ADGRG4: variants seen among roughly 807,000 people sequenced by gnomAD.
The protein encoded by ADGRG4 is G protein-coupled receptor 112.
In ADGRG4, 122 loss-of-function variants were observed where a neutral mutation model predicts 126.2. The observed-to-expected ratio is 0.97, with a 90% CI of 0.83 to 1.12. The LOEUF (loss-of-function observed/expected upper bound fraction) is 1.12. Ranked by LOEUF, ADGRG4 falls within the 50% of genes most tolerant of loss-of-function variation. The pLI, the probability that ADGRG4 is intolerant of heterozygous loss-of-function variation, is 0.00. For missense variants in ADGRG4, 2,481 were observed against 2,251.8 expected (o/e 1.10, Z -2.06); for synonymous variants, 943 against 838.7 (o/e 1.12, Z -2.15).
chrX:136,412,444 G>T lies in ADGRG4; in HGVS notation c.9037+78G>T, dbSNP rs2075451434. 3 of 628,605 alleles carry T rather than the reference G, an allele frequency of 4.8e-6. 1 individual carries two copies. In the East Asian group the frequency reaches 1.0e-4, roughly 21 times the overall value. The allele number at this position is 628,605 out of a possible 1,213,427, so 51.8% of individuals were successfully genotyped here. A position where few individuals can be genotyped will look rare whatever the true frequency, so the allele number is the denominator to read the frequency against. ...ATCAGATTAATTTGTCTCCTAACTT[G>T]AGTACTTACAGCATATCAGCATCAA... On this transcript the variant is annotated intron_variant, in intron 24 of 25. Transcript: ENST00000394143.
At chrX:136,318,755 A>G (rs913840057) in intron 4 of ADGRG4, among the ~76,000 whole-genome samples, 7 of 111,883 alleles carry the variant, frequency 6.3e-5, no homozygotes, top group African/African-American at 2.3e-4. Flanking sequence ...GAAATATACC[A>G]AAATGTTAAT....
intron 8 of ADGRG4, among the ~76,000 whole-genome samples, chrX:136,355,550 A>T (rs1356975763): frequency 3.6e-5 from 4 of 111,592 alleles, no homozygotes; most frequent in African/African-American, 1.3e-4. Flanking sequence ...TATATATATA[A>T]CATGGACGGT....
chrX:136,408,435 T>A (rs1055824369), intron 23 of ADGRG4, among the ~76,000 whole-genome samples: 1 of 112,376 alleles, frequency 8.9e-6, no homozygotes, highest in African/African-American at 3.2e-5. Flanking sequence ...GTACCCCATG[T>A]TTAGCTTTCA....
chrX:136,364,522 A>G (rs1321113983), intron 13 of ADGRG4, among the ~76,000 whole-genome samples: 1 of 112,174 alleles, frequency 8.9e-6, no homozygotes, highest in Non-Finnish European at 1.9e-5. Context: ...GCCACAATTT[A>G]TTTAACCTGT....
chrX:136,317,327 C>T (rs1213976953), intron 4 of ADGRG4, among the ~76,000 whole-genome samples: 3 of 107,945 alleles, frequency 2.8e-5, no homozygotes, highest in South Asian at 4.1e-4. Flanking sequence ...GGTGAAACCC[C>T]GTCTCTACTA....
At position 136,405,818 on chromosome X, in the gene ADGRG4, C is replaced by T; in HGVS notation, c.8781C>T (p.Ile2927=). ...LVQLNSVKSQ[I]QKTRRKMILH... ...AACTGAATTCTGTGAAATCCCAAAT[C>T]CAGAAGACTCGGCGGAAGATGATCC... The change falls in exon 23 of 26, where the codon ATC becomes ATT. Residue 2927 remains isoleucine, a synonymous_variant. Transcript: ENST00000394143. 8.3e-7 allele frequency: 1 copy of T among 1,210,428 alleles called. No individual in the cohort carries two copies. Among genetic ancestry groups the T allele is most frequent in the Non-Finnish European group, 1.1e-6 (1 of 894,761 alleles).
chrX:136,383,220 T>C (rs2075273074), intron 15 of ADGRG4, among the ~76,000 whole-genome samples: 1 of 112,013 alleles, frequency 8.9e-6, no homozygotes, highest in Non-Finnish European at 1.9e-5. Flanking sequence ...CTATCCTAGT[T>C]GTTCTCTAAT....
At chrX:136,399,775 A>G (rs2075369879) in intron 20 of ADGRG4, 73 bp from the exon 21 acceptor site, 1 of 883,764 alleles carries the variant, frequency 1.1e-6, no homozygotes, top group South Asian at 2.5e-5. Flanking sequence ...TATTATGTAG[A>G]TAAGATGTGG....
intron 15 of ADGRG4, among the ~76,000 whole-genome samples, chrX:136,378,492 C>T (rs2075241274): frequency 9.0e-6 from 1 of 110,744 alleles, no homozygotes; most frequent in South Asian, 3.8e-4. Context: ...TTTTGGGGGC[C>T]TATTCTGATG....
At chrX:136,408,743 A>G (rs1291161812) in intron 23 of ADGRG4, among the ~76,000 whole-genome samples, 1 of 111,697 alleles carries the variant, frequency 9.0e-6, no homozygotes, top group African/African-American at 3.3e-5. Context: ...CAATAATGAG[A>G]TTGCTGAGTC....
At chrX:136,396,017 G>A (rs942073795) in intron 19 of ADGRG4, among the ~76,000 whole-genome samples, 1 of 111,288 alleles carries the variant, frequency 9.0e-6, no homozygotes, top group Non-Finnish European at 1.9e-5. Flanking sequence ...AGCTGTTGCT[G>A]TTTTTCTCAT....
intron 15 of ADGRG4, among the ~76,000 whole-genome samples, chrX:136,375,876 A>C (rs1431783786): frequency 8.9e-6 from 1 of 111,979 alleles, no homozygotes; most frequent in African/African-American, 3.2e-5. Flanking sequence ...GTTGTGCAGA[A>C]GCTTTTTAGT....
rs2075037711 is a variant in ADGRG4 at position 136,348,722 on chromosome X, A to G, written c.5016A>G (p.Val1672=). 2.5e-6 allele frequency: 3 copies of G among 1,207,333 alleles called. No individual in the cohort carries two copies. The African/African-American group carries it at 5.3e-5, about 21-fold the overall frequency. The stretch of plus-strand genomic sequence containing the variant: ...TGGCTGGGATAGTGACTCCATTTGT[A>G]GGCACCACTGCCTTCTCTCCACTCA... ...TIMAGIVTPF[V]GTTAFSPLSS... is the part of the protein sequence containing the mutation. Residue 1672 remains valine, a synonymous_variant, in exon 6 of 26, where the codon GTA becomes GTG. Coordinates refer to ENST00000394143, the MANE Select transcript of ADGRG4 (RefSeq NM_153834.4).
chrX:136,312,519 G>T (rs1320174616), intron 4 of ADGRG4, among the ~76,000 whole-genome samples: 2 of 111,427 alleles, frequency 1.8e-5, no homozygotes, highest in Non-Finnish European at 3.8e-5. Context: ...CCAGCTACTC[G>T]GGAGACTGAG....
intron 5 of ADGRG4, among the ~76,000 whole-genome samples, chrX:136,333,433 T>A (rs1014393106): frequency 5.2e-5 from 4 of 76,477 alleles, no homozygotes; most frequent in African/African-American, 2.1e-4. Context: ...TAATATATTC[T>A]AATTTTTTGT....
intron 3 of ADGRG4, among the ~76,000 whole-genome samples, chrX:136,307,141 A>G (rs887882830): frequency 2.7e-5 from 3 of 112,666 alleles, no homozygotes; most frequent in Non-Finnish European, 5.6e-5. Context: ...AATGGAAGAA[A>G]AATATAAATT....
At position 136,374,409 on chromosome X, in the gene ADGRG4, G is replaced by A. The variant is rs1419692860; in HGVS notation, c.7776+1345G>A. Among the ~76,000 whole-genome samples the A allele has an allele frequency of 4.5e-5, 5 of 110,829 alleles. No homozygotes were observed. In the East Asian group the frequency reaches 1.1e-3, roughly 25 times the overall value. On this transcript the variant is annotated intron_variant, in intron 15 of 25. Coordinates refer to ENST00000394143, the MANE Select transcript of ADGRG4 (RefSeq NM_153834.4). ...TAGGAATGGAATTGCTGGCTCATAG[G>A]TACATGTTTATTATTTATTTATTTA...
intron 22 of ADGRG4, among the ~76,000 whole-genome samples, chrX:136,404,055 A>G (rs759693762): frequency 1.4e-4 from 15 of 111,006 alleles, no homozygotes; most frequent in Non-Finnish European, 2.8e-4. Flanking sequence ...CTCTTCCACT[A>G]TAGATTTCCT....
chrX:136,346,725 A>T lies in ADGRG4; in HGVS notation c.3019A>T (p.Thr1007Ser), dbSNP rs758039262. The T allele has an allele frequency of 2.2e-5, 27 of 1,207,838 alleles. No homozygotes were observed. Among genetic ancestry groups the T allele is most frequent in the African/African-American group, 7.0e-5 (4 of 56,968 alleles). The change falls in exon 6 of 26, where the codon ACC (threonine) becomes TCC (serine). Residue 1007 changes from threonine to serine, a missense_variant. By Grantham distance (58) the Thr-to-Ser change is moderately conservative. Transcript: ENST00000394143. Reference protein sequence around the residue: ...PQPTAAHSSATPVPVTHMFSL... With the variant: ...PQPTAAHSSASPVPVTHMFSL... ...GCCTACAGCTGCTCATTCCTCAGCA[A>T]CCCCTGTGCCTGTTACTCATATGTT...
Sources: allele counts gnomAD v4.1 joint callset (sites outside exome capture counted in the v4.1 genomes callset), GRCh38; gene constraint gnomAD v4.1.1; transcripts MANE v1.5; gene names NCBI Gene and HGNC (gene_info 2026-07-23, HGNC 2026-07-21).